The following DLGAP4 variants were observed in gnomAD, a reference collection of about 807,000 sequenced individuals.
The protein encoded by DLGAP4 is DLG associated protein 4.
A neutral mutation model predicts 86.9 loss-of-function variants in DLGAP4; 18 were observed. The observed-to-expected ratio is 0.21, with a 90% CI of 0.14 to 0.31. DLGAP4 has a LOEUF of 0.31. Ranked by LOEUF, DLGAP4 falls within the 10% of genes least tolerant of loss-of-function variation. The pLI, the probability that DLGAP4 is intolerant of heterozygous loss-of-function variation, is 1.00. For missense variants in DLGAP4, 1,085 were observed against 1,362.6 expected (o/e 0.80, Z 3.21); for synonymous variants, 548 against 574.3 (o/e 0.95, Z 0.65).
chr20:36,499,202 TC>T, intron 8 of DLGAP4: 1 of 1,570,842 alleles, frequency 6.4e-7, no homozygotes, highest in Non-Finnish European at 8.7e-7. Flanking sequence ...TCTTTCTCTT[TC>T]GTCGTCCTTT....
chr20:36,419,303 T>C (rs1421124487), intron 2 of DLGAP4, among the ~76,000 whole-genome samples: 1 of 151,964 alleles, frequency 6.6e-6, no homozygotes. Flanking sequence ...TCTCATGCTT[T>C]ATTTTTTGTA....
intron 10 of DLGAP4, among the ~76,000 whole-genome samples, chr20:36,513,926 A>G (rs2036882110): frequency 6.6e-6 from 1 of 152,174 alleles, no homozygotes; most frequent in Admixed American, 6.6e-5. Context: ...CAGAATAGAG[A>G]AGTCAAGCAG....
chr20:36,368,373 C>T (rs1045580644), intron 2 of DLGAP4, among the ~76,000 whole-genome samples: 1 of 152,200 alleles, frequency 6.6e-6, no homozygotes, highest in African/African-American at 2.4e-5. Flanking sequence ...GGAAAAGATT[C>T]GTAAATATGT....
intron 2 of DLGAP4, among the ~76,000 whole-genome samples, chr20:36,408,760 A>G (rs537099015): frequency 9.2e-5 from 14 of 152,368 alleles, no homozygotes; most frequent in African/African-American, 3.1e-4. Flanking sequence ...AAGTTTTGCA[A>G]TAGATATATA....
chr20:36,347,329 AT>A (rs2029976680), intron 1 of DLGAP4, among the ~76,000 whole-genome samples: 1 of 152,202 alleles, frequency 6.6e-6, no homozygotes, highest in East Asian at 1.9e-4. Context: ...GGGAGGAAAG[AT>A]GGATTCTTTA....
intron 1 of DLGAP4, among the ~76,000 whole-genome samples, chr20:36,337,808 C>T (rs1555892208): frequency 6.6e-6 from 1 of 152,188 alleles, no homozygotes; most frequent in Non-Finnish European, 1.5e-5. Flanking sequence ...TGCCTGCTAC[C>T]TGTGCTGGGA....
At chr20:36,370,939 C>A (rs772588477) in intron 2 of DLGAP4, among the ~76,000 whole-genome samples, 1 of 152,218 alleles carries the variant, frequency 6.6e-6, no homozygotes, top group Admixed American at 6.5e-5. Context: ...TTCTGAGGAC[C>A]TATTTTGTGC....
intron 2 of DLGAP4, among the ~76,000 whole-genome samples, chr20:36,395,367 T>A (rs2031916207): frequency 6.6e-6 from 1 of 152,198 alleles, no homozygotes; most frequent in African/African-American, 2.4e-5. Flanking sequence ...ATCCGAGAGC[T>A]TTGAGTGCCT....
intron 7 of DLGAP4, among the ~76,000 whole-genome samples, chr20:36,471,933 C>T (rs567358406): frequency 2.6e-5 from 4 of 152,222 alleles, no homozygotes; most frequent in South Asian, 2.1e-4. Context: ...TAGGGGCTCC[C>T]GGAATTTGCT....
chr20:36,392,308 C>T (rs2147466417), intron 2 of DLGAP4, among the ~76,000 whole-genome samples: 1 of 152,312 alleles, frequency 6.6e-6, no homozygotes, highest in Admixed American at 6.5e-5. Flanking sequence ...GAGAGACAGC[C>T]AGGAGGGGTT....
chr20:36,346,810 G>A (rs1036453219), intron 1 of DLGAP4, among the ~76,000 whole-genome samples: 1 of 151,940 alleles, frequency 6.6e-6, no homozygotes, highest in South Asian at 2.1e-4. Context: ...TGCATACCCT[G>A]ACCTTTCAAT....
intron 2 of DLGAP4, among the ~76,000 whole-genome samples, chr20:36,413,243 G>A (rs1254004671): frequency 1.3e-5 from 2 of 151,816 alleles, no homozygotes; most frequent in Non-Finnish European, 2.9e-5. Flanking sequence ...CTCCCAAAGT[G>A]TTGGGATTAC....
At chr20:36,447,404 A>G (rs1000954916) in intron 7 of DLGAP4, among the ~76,000 whole-genome samples, 2 of 152,152 alleles carry the variant, frequency 1.3e-5, no homozygotes, top group Admixed American at 6.5e-5. Context: ...ACAATCAGGG[A>G]ATACCTTCTG....
At chr20:36,409,412 CTCT>C (rs1349361497) in intron 2 of DLGAP4, among the ~76,000 whole-genome samples, 3 of 82,224 alleles carry the variant, frequency 3.6e-5, no homozygotes, top group African/African-American at 1.4e-4. Flanking sequence ...TTTTTTTTAA[CTCT>C]TTTTTTTTTT....
intron 2 of DLGAP4, among the ~76,000 whole-genome samples, chr20:36,401,827 C>T (rs1362583589): frequency 6.6e-6 from 1 of 152,214 alleles, no homozygotes; most frequent in Non-Finnish European, 1.5e-5. Context: ...GGGAAGGCCT[C>T]CCTGAGGAGG....
rs2147779471 is a variant in DLGAP4 at position 36,500,747 on chromosome 20, TCTTA to T, written c.2512+140_2512+143del. 1.3e-6 allele frequency: 1 copy of T among 787,248 alleles called. No individual in the cohort carries two copies. The highest frequency in any genetic ancestry group is 1.8e-6 in the Non-Finnish European group (1 of 557,736). The allele number at this position is 787,248 out of a possible 1,614,324, so 48.8% of individuals were successfully genotyped here. A position where few individuals can be genotyped will look rare whatever the true frequency, so the allele number is the denominator to read the frequency against. Reference sequence around the variant, plus strand: ...TCTTGGGCTAGTTTTTGAGCTCCCTTCTTACTTTCTTCGCATTCTTCCATCCATC... The same window carrying T: ...TCTTGGGCTAGTTTTTGAGCTCCCTTCTTTCTTCGCATTCTTCCATCCATC... On this transcript the variant is annotated intron_variant, in intron 10 of 12. Transcript: ENST00000339266. This position sits in a 1 kb window ranked among gnomAD's most constrained non-coding sequence, Gnocchi z 4.6.
At chr20:36,480,442 C>T (rs554191711) in intron 7 of DLGAP4, among the ~76,000 whole-genome samples, 3 of 152,294 alleles carry the variant, frequency 2.0e-5, no homozygotes, top group South Asian at 4.1e-4. Context: ...CAGTGGCTCA[C>T]GCCTGTAATC....
chr20:36,375,022 C>T (rs2031098091), intron 2 of DLGAP4, among the ~76,000 whole-genome samples: 4 of 152,382 alleles, frequency 2.6e-5, no homozygotes, highest in African/African-American at 4.8e-5. Context: ...TTTAGACATA[C>T]ATCTGCTGCT....
At chr20:36,487,411 A>C (rs1048820991) in intron 7 of DLGAP4, among the ~76,000 whole-genome samples, 9 of 152,176 alleles carry the variant, frequency 5.9e-5, no homozygotes, top group African/African-American at 1.9e-4. Context: ...ATGGGATGCT[A>C]TGGGCAGGAA....
Sources: allele counts gnomAD v4.1 joint callset (sites outside exome capture counted in the v4.1 genomes callset), GRCh38; gene constraint gnomAD v4.1.1; non-coding constraint Gnocchi (gnomAD v3.1); transcripts MANE v1.5; gene names NCBI Gene and HGNC (gene_info 2026-07-23, HGNC 2026-07-21).